Variants in TTN observed in about 807,000 individuals in gnomAD.
TTN encodes connectin.
TTN carries 1,525 observed loss-of-function variants against 3,223.0 expected under a neutral mutation model. The ratio of observed to expected loss-of-function variants is 0.47; its 90% CI spans 0.45 to 0.49. The LOEUF (loss-of-function observed/expected upper bound fraction) is 0.49, where lower values mean the gene tolerates loss of function less well. Ranked by LOEUF, TTN falls within the 20% of genes least tolerant of loss-of-function variation. The pLI is 0.00. For synonymous variants in TTN, 14,094 were observed against 15,161.0 expected, an observed-to-expected ratio of 0.93 and a Z score of 5.17; for missense variants, 40,786 against 43,424.0, an observed-to-expected ratio of 0.94 and a Z score of 5.40.
At position 178,572,525 on chromosome 2, in the gene TTN, A is replaced by T. The variant is rs766221938; in HGVS notation, c.73607T>A (p.Val24536Asp). The T allele has an allele frequency of 1.9e-6, 3 of 1,613,452 alleles. No individual in the cohort carries two copies. Among genetic ancestry groups the T allele is most frequent in the Non-Finnish European group, 2.5e-6 (3 of 1,179,622 alleles). Residue 24536 changes from valine (V) to aspartate (D), a missense_variant, in exon 326 of 363, where the codon GTC (valine) becomes GAC (aspartate). By Grantham distance (152) the Val-to-Asp change is radical. Transcript: ENST00000589042. ...GAGAGGTGGGTCCCATGTGAGTGTG[A>T]CAGATGTCTTAGTGACCTCTTTTAC... Reference protein sequence around the residue: ...LKVKEVTKTSVTLTWDPPLLD... With the variant: ...LKVKEVTKTSDTLTWDPPLLD...
chr2:178,781,031 T>C (rs2092717738), intron 21 of TTN, 90 bp downstream of exon 21: 9 of 1,564,760 alleles, frequency 5.8e-6, no homozygotes, highest in Admixed American at 1.7e-5. Context: ...AACCAGTAAG[T>C]GGCAACAGGT....
In TTN at chr2:178,633,003, G is replaced by C. The variant is rs1559959762; in HGVS notation, c.43128C>G (p.Ile14376Met). The C allele has an allele frequency of 1.2e-6, 2 of 1,613,136 alleles. No homozygotes were observed. The highest frequency in any genetic ancestry group is 3.3e-5 in the Admixed American group (2 of 59,970). ...IIEDGKKHIL[I>M]LHNCQLGMTG... ...TCATACCCAGCTGACAGTTATGAAG[G>C]ATCAGAATATGCTTCTTTCCATCCT... The change falls in exon 234 of 363, where the codon ATC (isoleucine) becomes ATG (methionine). Residue 14376 changes from isoleucine (I) to methionine (M), a missense_variant. Physicochemically the swap from Ile to Met is conservative, Grantham distance 10. Transcript: ENST00000589042.
In TTN at chr2:178,542,529, A is replaced by C; in HGVS notation, c.97227T>G (p.Ile32409Met). 6.2e-7 allele frequency: 1 copy of C among 1,610,414 alleles called. No homozygotes were observed. Among genetic ancestry groups the C allele is most frequent in the Non-Finnish European group, 8.5e-7 (1 of 1,177,002 alleles). The change falls in exon 349 of 363, where the codon ATT (isoleucine) becomes ATG (methionine). Residue 32409 changes from isoleucine to methionine, a missense_variant. Ile to Met is a conservative substitution (Grantham distance 10). Coordinates refer to ENST00000589042, the MANE Select transcript of TTN (RefSeq NM_001267550.2). Reference protein sequence around the residue: ...KPGPPTGPIKIDEIDATSITI... With the variant: ...KPGPPTGPIKMDEIDATSITI... ...TAATTGATGTAGCATCAATTTCATC[A>C]ATCTTAATAGGTCCTGTTGGTGGAC...
chr2:178,614,225 C>T lies in TTN; in HGVS notation c.49172G>A (p.Arg16391Gln), dbSNP rs200944827. The change falls in exon 262 of 363, where the codon CGA becomes CAA. Residue 16391 changes from arginine to glutamine, a missense_variant. Coordinates refer to ENST00000589042, the MANE Select transcript of TTN (RefSeq NM_001267550.2). ...SKITNYVVERRATDSEVWHKL... is the reference protein window; with the variant it reads ...SKITNYVVERQATDSEVWHKL... ...GTGCCACACTTCACTATCAGTTGCTCGTCTCTCCACAACATAGTTTGTGAT... is the reference window on the plus strand; with the variant it reads ...GTGCCACACTTCACTATCAGTTGCTTGTCTCTCCACAACATAGTTTGTGAT... 259 of 1,612,388 alleles carry T rather than the reference C, an allele frequency of 1.6e-4. No individual in the cohort carries two copies. The highest frequency in any genetic ancestry group is 2.8e-4 in the Admixed American group (17 of 59,836).
In TTN at chr2:178,571,693, A is replaced by C. The variant is rs1221079426; in HGVS notation, c.74439T>G (p.Thr24813=). The change falls in exon 326 of 363, where the codon ACT becomes ACG. Residue 24813 remains threonine, a synonymous_variant. Coordinates refer to ENST00000589042, the MANE Select transcript of TTN (RefSeq NM_001267550.2). ...VIVLDKPGPP[T]GPVKMDEVTA... is the part of the protein sequence containing the mutation. ...TCACTTCATCCATTTTAACTGGTCC[A>C]GTTGGAGGCCCTGGTTTGTCAAGAA... 1.9e-6 allele frequency: 3 copies of C among 1,613,498 alleles called. No individual in the cohort carries two copies. The highest frequency in any genetic ancestry group is 2.5e-6 in the Non-Finnish European group (3 of 1,179,618).
intron 261 of TTN, 32 bp from the exon 262 acceptor site, chr2:178,614,380 A>G (rs2056910884): frequency 6.3e-7 from 1 of 1,579,150 alleles, no homozygotes; most frequent in African/African-American, 1.4e-5. Flanking sequence ...CAGAAAAAAA[A>G]ATTGTTCACC....
Position 178,566,884 on chromosome 2 carries a change from A to T in TTN, c.79248T>A (p.Ser26416Arg). ...CWNRPDSDGGSEIIGYIVEKR... is the reference protein window; with the variant it reads ...CWNRPDSDGGREIIGYIVEKR... ...TCTCTACAATGTAACCAATAATCTC[A>T]CTTCCACCATCACTATCTGGACGGT... Residue 26416 changes from serine to arginine, a missense_variant, in exon 326 of 363, where the codon AGT (serine) becomes AGA (arginine). Transcript: ENST00000589042. 6.2e-7 allele frequency: 1 copy of T among 1,613,378 alleles called. No homozygotes were observed.
chr2:178,571,184 A>G lies in TTN; in HGVS notation c.74948T>C (p.Val24983Ala), dbSNP rs530334283. ...LEEGVEYEFR[V>A]SAENIVGIGK... ...AATGCCCACGATGTTCTCTGCAGAG[A>G]CTCTAAATTCATATTCAACACCTTC... Residue 24983 changes from valine to alanine, a missense_variant, in exon 326 of 363, where the codon GTC becomes GCC. Val to Ala is a moderately conservative substitution (Grantham distance 64). Coordinates refer to ENST00000589042, the MANE Select transcript of TTN (RefSeq NM_001267550.2). The G allele has an allele frequency of 5.0e-6, 8 of 1,613,246 alleles. No individual in the cohort carries two copies. The African/African-American group carries it at 9.3e-5, about 19-fold the overall frequency.
chr2:178,534,656 G>A lies in TTN; in HGVS notation c.101959C>T (p.His33987Tyr), dbSNP rs1690646810. 1 of 1,613,526 alleles carries A rather than the reference G, an allele frequency of 6.2e-7. No homozygotes were observed. Among genetic ancestry groups the A allele is most frequent in the Admixed American group, 1.7e-5 (1 of 59,986 alleles). Residue 33987 changes from histidine (H) to tyrosine (Y), a missense_variant, in exon 358 of 363, where the codon CAC becomes TAC. Physicochemically the swap from His to Tyr is moderately conservative, Grantham distance 83. Coordinates refer to ENST00000589042, the MANE Select transcript of TTN (RefSeq NM_001267550.2). ...TAPEYYAPEVHQHDVVSTATD... is the reference protein window; with the variant it reads ...TAPEYYAPEVYQHDVVSTATD... ...GCTGTGCTGACAACATCATGCTGGT[G>A]GACTTCAGGTGCATAGTATTCTGGG...
rs374268656 is a variant in TTN, at chr2:178,533,239, T to G, written c.103376A>C (p.Lys34459Thr). ...CTCCTTACTCTTGAATTCCTGTTTC[T>G]TGTACCTCAGGCGTTCCACTTGTAG... ...AHLQVERLRY[K>T]KQEFKSKEEH... The change falls in exon 358 of 363, where the codon AAG becomes ACG. Residue 34459 changes from lysine (K) to threonine (T), a missense_variant. By Grantham distance (78) the Lys-to-Thr change is moderately conservative (BLOSUM62 -1). Coordinates refer to ENST00000589042, the MANE Select transcript of TTN (RefSeq NM_001267550.2). 4.3e-6 allele frequency: 7 copies of G among 1,613,872 alleles called. No homozygotes were observed. The highest frequency in any genetic ancestry group is 1.6e-4 in the Middle Eastern group (1 of 6,084).
Position 178,723,329 on chromosome 2 carries a change from T to C in TTN, c.21683-5A>G. 1 of 1,610,624 alleles carries C rather than the reference T, an allele frequency of 6.2e-7. No individual in the cohort carries two copies. On this transcript the variant is annotated splice_region_variant and splice_polypyrimidine_tract_variant and intron_variant, in intron 74 of 362. Coordinates refer to ENST00000589042, the MANE Select transcript of TTN (RefSeq NM_001267550.2). ...TCTTCAAAAATGCAGCTGGTTCTAG[T>C]AAGTGACAAAGCACAGCAGTTAAAC...
In TTN at chr2:178,664,499, C is replaced by G. The variant is rs2065524675; in HGVS notation, c.36241G>C (p.Val12081Leu). ...ALREVVPEKKVHPPQRAEVVP... is the reference protein window; with the variant it reads ...ALREVVPEKKLHPPQRAEVVP... ...ACTTCAGCCCTTTGGGGAGGATGCA[C>G]TTTCTTTTCCGGGACAACTTCTCTG... Residue 12081 changes from valine (V) to leucine (L), a missense_variant, in exon 168 of 363, where the codon GTG (valine) becomes CTG (leucine). Physicochemically the swap from Val to Leu is conservative, Grantham distance 32 (BLOSUM62 1). Coordinates refer to ENST00000589042, the MANE Select transcript of TTN (RefSeq NM_001267550.2). The G allele has an allele frequency of 6.2e-7, 1 of 1,612,376 alleles. No homozygotes were observed. Among genetic ancestry groups the G allele is most frequent in the South Asian group, 1.1e-5 (1 of 91,038 alleles).
At position 178,554,004 on chromosome 2, in the gene TTN, C is replaced by A. The variant is rs1429421793; in HGVS notation, c.89107G>T (p.Asp29703Tyr). Residue 29703 changes from aspartate to tyrosine, a missense_variant, in exon 333 of 363, where the codon GAC (aspartate) becomes TAC (tyrosine). Physicochemically the swap from Asp to Tyr is radical, Grantham distance 160. Transcript: ENST00000589042. The part of the protein sequence containing the change: ...QKVTGLTENS[D>Y]YQYRVCAVNA... The stretch of plus-strand genomic sequence containing the variant: ...ACAGCACAAACTCTGTATTGATAGT[C>A]ACTGTTTTCTGTGAGTCCTGTTACT... The A allele has an allele frequency of 6.8e-6, 11 of 1,613,434 alleles. 1 individual carries two copies. In the South Asian group the frequency reaches 1.2e-4, roughly 18 times the overall value.
intron 90 of TTN, 115 bp downstream of exon 90, chr2:178,714,871 C>A (rs764207713): frequency 6.9e-5 from 94 of 1,370,472 alleles, no homozygotes; most frequent in Non-Finnish European, 9.0e-5. Context: ...GGAGAGGAAA[C>A]AAAGGGAAAG....
Position 178,569,555 on chromosome 2 carries a change from C to A in TTN, c.76577G>T (p.Gly25526Val). The A allele has an allele frequency of 6.2e-7, 1 of 1,612,920 alleles. No homozygotes were observed. Among genetic ancestry groups the A allele is most frequent in the South Asian group, 1.1e-5 (1 of 90,980 alleles). Residue 25526 changes from glycine (G) to valine (V), a missense_variant, in exon 326 of 363, where the codon GGC becomes GTC. By Grantham distance (109) the Gly-to-Val change is moderately radical. Coordinates refer to ENST00000589042, the MANE Select transcript of TTN (RefSeq NM_001267550.2). ...LRKIINIRAGGSLRLFVPIKG... is the reference protein window; with the variant it reads ...LRKIINIRAGVSLRLFVPIKG... ...TATAGGAACAAATAACCTTAAGGAG[C>A]CACCTGCCCTTATATTTATGATTTT...
chr2:178,771,136 T>C, intron 34 of TTN, 75 bp downstream of exon 34: 4 of 1,604,716 alleles, frequency 2.5e-6, no homozygotes, highest in Non-Finnish European at 3.4e-6. Flanking sequence ...AAAATGGCCA[T>C]ATCGTTTGTC....
chr2:178,566,289 G>A lies in TTN; in HGVS notation c.79843C>T (p.Pro26615Ser). Residue 26615 changes from proline to serine, a missense_variant, in exon 326 of 363, where the codon CCA becomes TCA. By Grantham distance (74) the Pro-to-Ser change is moderately conservative. Transcript: ENST00000589042. ...TCAGGCGTTGGACGACCTTTGAATG[G>A]AATGTGAATTCTGGCAGATCCACCA... ...RAGGSARIHI[P>S]FKGRPTPEIT... The A allele has an allele frequency of 1.2e-6, 2 of 1,613,650 alleles. No individual in the cohort carries two copies. The highest frequency in any genetic ancestry group is 1.7e-4 in the Middle Eastern group (1 of 6,060).
Position 178,611,554 on chromosome 2 carries a change from C to A in TTN, c.50675G>T (p.Cys16892Phe), listed in dbSNP as rs958402858. 6.2e-7 allele frequency: 1 copy of A among 1,612,918 alleles called. No homozygotes were observed. Among genetic ancestry groups the A allele is most frequent in the African/African-American group, 1.3e-5 (1 of 74,852 alleles). The change falls in exon 269 of 363, where the codon TGT becomes TTT. Residue 16892 changes from cysteine to phenylalanine, a missense_variant. Physicochemically the swap from Cys to Phe is radical, Grantham distance 205. Transcript: ENST00000589042. ...SPIIGYHVEM[C>F]PVGTEKWMRV... ...CATCCATTTCTCAGTGCCTACTGGA[C>A]ACATTTCAACATGGTATCCTATGAT...
chr2:178,640,149 T>G (rs1240213654), intron 221 of TTN, 39 bp from the exon 222 acceptor site: 3 of 1,590,780 alleles, frequency 1.9e-6, no homozygotes, highest in East Asian at 2.3e-5. Flanking sequence ...TATTACAGGA[T>G]TTTTGAAGTT....
Sources: allele counts gnomAD v4.1 joint callset, GRCh38; gene constraint gnomAD v4.1.1; transcripts MANE v1.5; gene names NCBI Gene and HGNC (gene_info 2026-07-23, HGNC 2026-07-21).